Variants in CRIM1 observed in about 807,000 individuals in gnomAD.
The protein encoded by CRIM1 is cysteine rich transmembrane BMP regulator 1, also known as cysteine-rich motor neuron 1 protein.
Under a neutral mutation model 116.4 loss-of-function variants are expected in CRIM1, and 32 were observed. That is an observed-to-expected ratio of 0.27 (90% CI 0.21 to 0.37). CRIM1 has a LOEUF of 0.37. CRIM1 is among the 10% of genes least tolerant of loss of function. The pLI, the probability that CRIM1 is intolerant of heterozygous loss-of-function variation, is 1.00. For missense variants in CRIM1, 1,331 were observed against 1,354.8 expected (o/e 0.98, Z 0.28); for synonymous variants, 590 against 509.2 (o/e 1.16, Z -2.13).
Position 36,365,036 on chromosome 2 carries a change from G to C in CRIM1, c.331+8413G>C, listed in dbSNP as rs572355330. On this transcript the variant is annotated intron_variant, in intron 1 of 16. Coordinates refer to ENST00000280527, the MANE Select transcript of CRIM1 (RefSeq NM_016441.3). ...TTAACTAAATCTCTTCAAAGGGGTGGGAGTTTCGAGGGGGAATTCAAATGT... is the reference window on the plus strand; with the variant it reads ...TTAACTAAATCTCTTCAAAGGGGTGCGAGTTTCGAGGGGGAATTCAAATGT... Among the ~76,000 whole-genome samples, 7 of 152,174 alleles carry C rather than the reference G, an allele frequency of 4.6e-5. No individual in the cohort carries two copies. In the South Asian group the frequency reaches 1.5e-3, roughly 32 times the overall value.
chr2:36,444,143 TA>T (rs1676069846), intron 4 of CRIM1, among the ~76,000 whole-genome samples: 1 of 152,246 alleles, frequency 6.6e-6, no homozygotes, highest in Non-Finnish European at 1.5e-5. Context: ...AGCCGGTTGT[TA>T]ACGAGGTAGT....
At chr2:36,454,465 A>G (rs1283357837) in intron 4 of CRIM1, among the ~76,000 whole-genome samples, 5 of 152,132 alleles carry the variant, frequency 3.3e-5, no homozygotes, top group Non-Finnish European at 7.4e-5. Context: ...GTCAGGAATG[A>G]ACCGAGGTCT....
At chr2:36,540,648 T>C (rs1401092912) in intron 14 of CRIM1, among the ~76,000 whole-genome samples, 1 of 150,716 alleles carries the variant, frequency 6.6e-6, no homozygotes, top group Non-Finnish European at 1.5e-5. Flanking sequence ...GATTTTGTTC[T>C]TTATAGGGAA....
intron 13 of CRIM1, among the ~76,000 whole-genome samples, chr2:36,527,797 C>T (rs1049212064): frequency 6.6e-5 from 10 of 152,144 alleles, no homozygotes; most frequent in Non-Finnish European, 1.0e-4. Context: ...TTACGCATTT[C>T]GAAACCATAA....
chr2:36,378,460 G>C, intron 1 of CRIM1: 1 of 468,258 alleles, frequency 2.1e-6, no homozygotes, highest in South Asian at 1.6e-5. Flanking sequence ...GGAAAGGAGT[G>C]CCACCATTCA....
intron 7 of CRIM1, among the ~76,000 whole-genome samples, chr2:36,492,955 A>C (rs1680337276): frequency 6.6e-6 from 1 of 152,236 alleles, no homozygotes; most frequent in South Asian, 2.1e-4. Context: ...TAATCAAATA[A>C]GCAGGCTTGG....
chr2:36,463,465 C>A (rs1217378342), intron 4 of CRIM1, among the ~76,000 whole-genome samples: 1 of 152,128 alleles, frequency 6.6e-6, no homozygotes, highest in Non-Finnish European at 1.5e-5. Context: ...ATACTTCCTG[C>A]CAGGATGTCT....
intron 4 of CRIM1, among the ~76,000 whole-genome samples, chr2:36,459,270 G>C (rs556383770): frequency 4.6e-5 from 7 of 151,948 alleles, no homozygotes; most frequent in African/African-American, 1.7e-4. Flanking sequence ...TGTTTGAGTG[G>C]GTACCCTGGC....
intron 2 of CRIM1, among the ~76,000 whole-genome samples, chr2:36,414,592 G>C (rs1673461345): frequency 6.6e-6 from 1 of 152,214 alleles, no homozygotes; most frequent in Non-Finnish European, 1.5e-5. Context: ...AGGATAGCTT[G>C]AGAAAGTCTC....
intron 2 of CRIM1, among the ~76,000 whole-genome samples, chr2:36,403,224 C>G (rs1308171625): frequency 6.6e-6 from 1 of 152,188 alleles, no homozygotes; most frequent in Non-Finnish European, 1.5e-5. Context: ...GCTGCTTGCA[C>G]AGTGAACATT....
At chr2:36,526,907 C>T (rs906641133) in intron 13 of CRIM1, among the ~76,000 whole-genome samples, 4 of 152,218 alleles carry the variant, frequency 2.6e-5, no homozygotes, top group Non-Finnish European at 5.9e-5. Context: ...CCCAGTTAAG[C>T]CACTCTAGGT....
At chr2:36,413,727 T>C (rs1434369567) in intron 2 of CRIM1, among the ~76,000 whole-genome samples, 1 of 152,220 alleles carries the variant, frequency 6.6e-6, no homozygotes, top group Non-Finnish European at 1.5e-5. Context: ...CTTTCATCTT[T>C]GCAGTTTTTG....
rs181606031 is a variant in CRIM1, at chr2:36,487,509, T to C, written c.1372+7815T>C. Among the ~76,000 whole-genome samples the C allele has an allele frequency of 4.6e-5, 7 of 151,782 alleles. No individual in the cohort carries two copies. The East Asian group carries it at 9.7e-4, about 21-fold the overall frequency. On this transcript the variant is annotated intron_variant, in intron 7 of 16. Coordinates refer to ENST00000280527, the MANE Select transcript of CRIM1 (RefSeq NM_016441.3). Reference sequence around the variant, plus strand: ...CTTTGTAAACCCTTGACTTTGAAGGTTTATTAGACTCTAGGAAATAGCCAA... The same window carrying C: ...CTTTGTAAACCCTTGACTTTGAAGGCTTATTAGACTCTAGGAAATAGCCAA...
chr2:36,534,066 TGAG>T (rs919581500), intron 13 of CRIM1, among the ~76,000 whole-genome samples: 4 of 55,978 alleles, frequency 7.1e-5, no homozygotes, highest in Non-Finnish European at 1.4e-4. Context: ...GGAAGGAAGG[TGAG>T]GGAGTGGGAA....
At chr2:36,547,908 G>A (rs1371086203) in intron 16 of CRIM1, among the ~76,000 whole-genome samples, 9 of 152,094 alleles carry the variant, frequency 5.9e-5, no homozygotes, top group Middle Eastern at 3.2e-3. Flanking sequence ...CTTAAGAATT[G>A]GAAACAGCCT....
chr2:36,373,718 G>A (rs1670103358), intron 1 of CRIM1, among the ~76,000 whole-genome samples: 1 of 152,178 alleles, frequency 6.6e-6, no homozygotes, highest in Non-Finnish European at 1.5e-5. Flanking sequence ...GTCACAGTGA[G>A]AAAATGTCAT....
At chr2:36,390,478 G>A (rs35221002) in intron 1 of CRIM1, among the ~76,000 whole-genome samples, 6,184 of 152,262 alleles carry the variant, frequency 0.041, 181 homozygotes, top group Non-Finnish European at 0.062. Flanking sequence ...TCCTTTCAGG[G>A]CACGGGGTGT....
Position 36,442,627 on chromosome 2 carries a change from A to G in CRIM1, c.761A>G (p.Asp254Gly). 6.2e-7 allele frequency: 1 copy of G among 1,613,972 alleles called. No homozygotes were observed. The highest frequency in any genetic ancestry group is 8.5e-7 in the Non-Finnish European group (1 of 1,179,924). The change falls in exon 4 of 17, where the codon GAC (aspartate) becomes GGC (glycine). Residue 254 changes from aspartate (D) to glycine (G), a missense_variant. Transcript: ENST00000280527. Reference sequence around the variant, plus strand: ...TTGCCCCTTTCAGTTTTCGGCGTGGACTGCAGGACTGTGGAATGCCCTCCT... The same window carrying G: ...TTGCCCCTTTCAGTTTTCGGCGTGGGCTGCAGGACTGTGGAATGCCCTCCT... ...LYECKPVFGV[D>G]CRTVECPPVQ... is the part of the protein sequence containing the mutation.
intron 1 of CRIM1, among the ~76,000 whole-genome samples, chr2:36,381,968 T>C (rs1347804997): frequency 6.6e-6 from 1 of 152,190 alleles, no homozygotes; most frequent in Non-Finnish European, 1.5e-5. Flanking sequence ...TTTTCTTTCA[T>C]TGGTGGACCC....
Sources: allele counts gnomAD v4.1 joint callset (sites outside exome capture counted in the v4.1 genomes callset), GRCh38; gene constraint gnomAD v4.1.1; transcripts MANE v1.5; gene names NCBI Gene and HGNC (gene_info 2026-07-23, HGNC 2026-07-21).